Variants in PCDHGA3 observed in about 807,000 individuals in gnomAD.
The protein encoded by PCDHGA3 is protocadherin gamma-A3.
In PCDHGA3, 40 loss-of-function variants were observed where a neutral mutation model predicts 58.5. The observed-to-expected ratio is 0.68, with a 90% CI of 0.53 to 0.89. The LOEUF is 0.89. Among genes scored for constraint, PCDHGA3 ranks in the 40% least tolerant of loss-of-function variants. PCDHGA3 has a pLI of 0.00. For synonymous variants in PCDHGA3, 530 were observed against 525.7 expected, an observed-to-expected ratio of 1.01 and a Z score of -0.11; for missense variants, 1,223 against 1,195.9, an observed-to-expected ratio of 1.02 and a Z score of -0.33.
intron 1 of PCDHGA3, chr5:141,403,717 G>T: frequency 6.2e-7 from 1 of 1,613,936 alleles, no homozygotes; most frequent in Non-Finnish European, 8.5e-7. Flanking sequence ...TTGAGAACGT[G>T]CCCCCAGGCA....
At chr5:141,352,412 G>C in intron 1 of PCDHGA3, 1 of 1,613,998 alleles carries the variant, frequency 6.2e-7, no homozygotes, top group South Asian at 1.1e-5. Context: ...CTCCAGCCTC[G>C]ACACTGAGGG....
rs1235801833 is a variant in PCDHGA3, at chr5:141,346,253, T to A, written c.2220T>A (p.Phe740Leu). Reference sequence around the variant, plus strand: ...TGGCGAGTACGCCCGGCTCGCACTTTGTGGGCGCGGACGGGGTTCGGGCTT... The same window carrying A: ...TGGCGAGTACGCCCGGCTCGCACTTAGTGGGCGCGGACGGGGTTCGGGCTT... The part of the protein sequence containing the change: ...GGLASTPGSH[F>L]VGADGVRAFL... The change falls in exon 1 of 4, where the codon TTT becomes TTA. Residue 740 changes from phenylalanine (F) to leucine (L), a missense_variant. Coordinates refer to ENST00000253812, the MANE Select transcript of PCDHGA3 (RefSeq NM_018916.4). 2 of 1,614,186 alleles carry A rather than the reference T, an allele frequency of 1.2e-6. No homozygotes were observed. The highest frequency in any genetic ancestry group is 4.5e-5 in the East Asian group (2 of 44,870).
intron 1 of PCDHGA3, chr5:141,427,649 C>T (rs1283312654): frequency 1.4e-6 from 1 of 717,274 alleles, no homozygotes; most frequent in East Asian, 2.7e-5. Context: ...AAGTCTCCTA[C>T]GTGGTCCACG....
chr5:141,408,660 C>T, intron 1 of PCDHGA3: 1 of 1,613,980 alleles, frequency 6.2e-7, no homozygotes, highest in East Asian at 2.2e-5. Context: ...ACACGACTAT[C>T]GCTTGACCCT....
chr5:141,351,960 G>A, intron 1 of PCDHGA3: 1 of 1,612,894 alleles, frequency 6.2e-7, no homozygotes, highest in Non-Finnish European at 8.5e-7. Flanking sequence ...GGGCCTGATG[G>A]CTCCGCCCTC....
chr5:141,394,580 C>G, intron 1 of PCDHGA3: 1 of 1,613,914 alleles, frequency 6.2e-7, no homozygotes, highest in Non-Finnish European at 8.5e-7. Flanking sequence ...ACCTGGTGAC[C>G]AAGGTGGTGG....
At chr5:141,386,407 G>T (rs2090565915) in intron 1 of PCDHGA3, among the ~76,000 whole-genome samples, 1 of 152,034 alleles carries the variant, frequency 6.6e-6, no homozygotes, top group Non-Finnish European at 1.5e-5. Flanking sequence ...GCCAGGTATG[G>T]TGTTGCAAGC....
chr5:141,365,766 C>A (rs6882138), intron 1 of PCDHGA3: 12 of 1,613,778 alleles, frequency 7.4e-6, no homozygotes, highest in Non-Finnish European at 9.3e-6. Flanking sequence ...GCCCATGACC[C>A]CGACAGCGGC....
chr5:141,430,944 G>C (rs1417018095), intron 1 of PCDHGA3: 1 of 1,609,214 alleles, frequency 6.2e-7, no homozygotes, highest in Non-Finnish European at 8.5e-7. Flanking sequence ...CTCGCGGAGC[G>C]CGGAGTCCGC....
intron 1 of PCDHGA3, among the ~76,000 whole-genome samples, chr5:141,435,462 T>G (rs1206913100): frequency 6.6e-6 from 1 of 152,230 alleles, no homozygotes; most frequent in Non-Finnish European, 1.5e-5. Flanking sequence ...TGTATGTGTT[T>G]CCAAGTTAGA....
At chr5:141,353,818 C>T (rs958747733) in intron 1 of PCDHGA3, among the ~76,000 whole-genome samples, 8 of 152,152 alleles carry the variant, frequency 5.3e-5, no homozygotes, top group African/African-American at 1.9e-4. Context: ...CTCAATCATC[C>T]GCAGTTTGTG....
chr5:141,368,141 G>T (rs1204786185), intron 1 of PCDHGA3, among the ~76,000 whole-genome samples: 1 of 151,994 alleles, frequency 6.6e-6, no homozygotes, highest in Non-Finnish European at 1.5e-5. Flanking sequence ...TTCAAATTTT[G>T]TACTTTTAAA....
chr5:141,371,606 G>A, intron 1 of PCDHGA3: 2 of 1,614,010 alleles, frequency 1.2e-6, no homozygotes, highest in South Asian at 2.2e-5. Context: ...CATACAGGTT[G>A]GTGACAGATG....
chr5:141,362,498 A>G, intron 1 of PCDHGA3: 2 of 1,614,032 alleles, frequency 1.2e-6, no homozygotes, highest in Non-Finnish European at 1.7e-6. Context: ...GCCTCTTGGG[A>G]ACAAAATACA....
intron 1 of PCDHGA3, chr5:141,366,785 C>T: frequency 1.3e-6 from 2 of 1,576,144 alleles, no homozygotes; most frequent in Non-Finnish European, 8.6e-7. Flanking sequence ...ATGACCAGAA[C>T]ATTTTCATTT....
At chr5:141,400,259 T>A (rs2150848027) in intron 1 of PCDHGA3, 2 of 1,614,016 alleles carry the variant, frequency 1.2e-6, no homozygotes, top group Non-Finnish European at 1.7e-6. Flanking sequence ...GCCTTGCGCC[T>A]GCGACGCTCC....
In PCDHGA3 at chr5:141,477,605, T is replaced by A. The variant is rs1339408637; in HGVS notation, c.2425-17202T>A. On this transcript the variant is annotated intron_variant, in intron 1 of 3. Transcript: ENST00000253812. This position sits in a 1 kb window ranked among gnomAD's most constrained non-coding sequence, Gnocchi z 4.9. ...GAATGCTCGGCTTTCTTTCTTTCTCTTGGAGCAAGGAGCTGAAACCGGGCT... is the reference window on the plus strand; with the variant it reads ...GAATGCTCGGCTTTCTTTCTTTCTCATGGAGCAAGGAGCTGAAACCGGGCT... The A allele has an allele frequency of 6.2e-6, 10 of 1,614,102 alleles. No individual in the cohort carries two copies. In the South Asian group the frequency reaches 1.1e-4, roughly 18 times the overall value.
chr5:141,408,773 T>C, intron 1 of PCDHGA3: 1 of 1,611,652 alleles, frequency 6.2e-7, no homozygotes, highest in Non-Finnish European at 8.5e-7. Flanking sequence ...TGGTGGCAAA[T>C]ACCCAGAGTT....
intron 1 of PCDHGA3, chr5:141,350,406 C>A: frequency 6.2e-7 from 1 of 1,601,144 alleles, no homozygotes; most frequent in Non-Finnish European, 8.5e-7. Context: ...GGGAAACTTG[C>A]CAAGGATCTG....
Sources: allele counts gnomAD v4.1 joint callset (sites outside exome capture counted in the v4.1 genomes callset), GRCh38; gene constraint gnomAD v4.1.1; non-coding constraint Gnocchi (gnomAD v3.1); transcripts MANE v1.5; gene names NCBI Gene and HGNC (gene_info 2026-07-23, HGNC 2026-07-21).